The following EZH2 variants were observed in gnomAD, a reference collection of about 807,000 sequenced individuals.
EZH2 encodes the protein enhancer of zeste 2 polycomb repressive complex 2 subunit.
EZH2 carries 18 observed loss-of-function variants against 98.4 expected under a neutral mutation model. The ratio of observed to expected loss-of-function variants is 0.18; its 90% CI spans 0.13 to 0.27. The LOEUF (loss-of-function observed/expected upper bound fraction) is 0.27. Ranked by LOEUF, EZH2 falls within the 10% of genes least tolerant of loss-of-function variation. EZH2 has a pLI of 1.00. For missense variants in EZH2, 470 were observed against 935.1 expected (o/e 0.50, Z 6.49); for synonymous variants, 338 against 312.3 (o/e 1.08, Z -0.87).
chr7:148,833,962 A>G (rs527710397), intron 3 of EZH2, among the ~76,000 whole-genome samples: 3 of 152,168 alleles, frequency 2.0e-5, no homozygotes, highest in African/African-American at 7.2e-5. Flanking sequence ...TTGAAACACC[A>G]TATTTCATAC....
intron 9 of EZH2, 90 bp downstream of exon 9, chr7:148,819,506 G>A: frequency 1.0e-6 from 1 of 994,448 alleles, no homozygotes; most frequent in East Asian, 2.4e-5. Context: ...CAGCATGGGT[G>A]CAGACAACAT....
chr7:148,810,198 C>T lies in EZH2; in HGVS notation c.2029+135G>A. On this transcript the variant is annotated intron_variant, in intron 17 of 19. Transcript: ENST00000320356. The stretch of plus-strand genomic sequence containing the variant: ...CTTGCTCCAGTTCCTTTCAAGCAAG[C>T]AGCCCCCCATGCCTCTAAGGAGATC... 7.3e-6 allele frequency: 4 copies of T among 547,746 alleles called. No individual in the cohort carries two copies. In the South Asian group the frequency reaches 9.0e-5, roughly 12 times the overall value. The allele number at this position is 547,746 out of a possible 1,614,324, so 33.9% of individuals were successfully genotyped here. A position where few individuals can be genotyped will look rare whatever the true frequency, so the allele number is the denominator to read the frequency against.
intron 1 of EZH2, chr7:148,850,459 A>G: frequency 1.0e-6 from 1 of 967,788 alleles, no homozygotes; most frequent in Non-Finnish European, 1.2e-6. Context: ...CATACCTAAT[A>G]AAGTATATCA....
intron 1 of EZH2, among the ~76,000 whole-genome samples, chr7:148,859,396 C>G (rs2129487929): frequency 6.6e-6 from 1 of 152,124 alleles, no homozygotes. Context: ...GTCCCGGCTA[C>G]TAAGGAGGCT....
chr7:148,813,007 A>G (rs1803527687), intron 15 of EZH2, among the ~76,000 whole-genome samples: 1 of 151,816 alleles, frequency 6.6e-6, no homozygotes. Context: ...CTCAATTATA[A>G]ATAAATGGTC....
At chr7:148,861,804 A>T (rs1040253663) in intron 1 of EZH2, among the ~76,000 whole-genome samples, 5 of 15,666 alleles carry the variant, frequency 3.2e-4, no homozygotes, top group South Asian at 1.4e-3. Context: ...TCTTTTATTT[A>T]AAAAAAAAAA....
intron 15 of EZH2, among the ~76,000 whole-genome samples, chr7:148,813,061 A>ACG (rs1563198803): frequency 1.1e-3 from 134 of 121,810 alleles, no homozygotes; most frequent in African/African-American, 4.5e-3. Flanking sequence ...ATACACACAC[A>ACG]CACACACACA....
At chr7:148,807,750 C>A in intron 19 of EZH2, 44 bp from the exon 20 acceptor site, 1 of 1,373,714 alleles carries the variant, frequency 7.3e-7, no homozygotes, top group Admixed American at 2.2e-5. Context: ...GCCACCCATC[C>A]AACATGTGCT....
chr7:148,846,614 G>A lies in EZH2; in HGVS notation c.118-16C>T. The A allele has an allele frequency of 1.3e-6, 2 of 1,598,066 alleles. No homozygotes were observed. Among genetic ancestry groups the A allele is most frequent in the Non-Finnish European group, 1.7e-6 (2 of 1,169,922 alleles). On this transcript the variant is annotated splice_polypyrimidine_tract_variant and intron_variant, in intron 2 of 19. Transcript: ENST00000320356. ...TAAACATACTCTTAAAAAAAAAAAT[G>A]AAGGAGAGGAAAGGAGAAATTGTTC...
chr7:148,883,311 T>C (rs1821275849), intron 1 of EZH2: 1 of 152,144 alleles, frequency 6.6e-6, no homozygotes, highest in African/African-American at 2.4e-5. Context: ...CACAATGAAG[T>C]GGGAATTCAA....
intron 1 of EZH2, among the ~76,000 whole-genome samples, chr7:148,868,155 C>T (rs1204565164): frequency 1.3e-5 from 2 of 152,232 alleles, no homozygotes; most frequent in African/African-American, 2.4e-5. Flanking sequence ...AGTCCAAAAG[C>T]TGCATCCACA....
chr7:148,866,520 GTATATACATA>G (rs1277516087), intron 1 of EZH2, among the ~76,000 whole-genome samples: 3 of 92,116 alleles, frequency 3.3e-5, no homozygotes, highest in Non-Finnish European at 4.6e-5. Flanking sequence ...ATATATATGT[GTATATACATA>G]TATATACGTA....
chr7:148,862,356 G>GTT (rs924784486), intron 1 of EZH2, among the ~76,000 whole-genome samples: 23 of 152,266 alleles, frequency 1.5e-4, no homozygotes, highest in African/African-American at 4.8e-4. Context: ...AAATCATGTT[G>GTT]TTAAACCCAT....
Position 148,807,455 on chromosome 7 carries a change from C to T in EZH2, c.*191G>A. On this transcript the variant is annotated 3_prime_UTR_variant, in exon 20 of 20. Transcript: ENST00000320356. ...GCATTATTGCAAAAATTCACTGGTA[C>T]AAAACACTTTGCAGCTGGTGAGAAG... 1 of 589,228 alleles carries T rather than the reference C, an allele frequency of 1.7e-6. No individual in the cohort carries two copies. Among genetic ancestry groups the T allele is most frequent in the Non-Finnish European group, 3.0e-6 (1 of 329,728 alleles). 36.5% of individuals were successfully genotyped at this position (589,228 alleles called of 1,614,324 possible). A position where few individuals can be genotyped will look rare whatever the true frequency, so the allele number is the denominator to read the frequency against.
chr7:148,863,627 G>T (rs1333572867), intron 1 of EZH2, among the ~76,000 whole-genome samples: 1 of 151,974 alleles, frequency 6.6e-6, no homozygotes, highest in Admixed American at 6.6e-5. Flanking sequence ...TAAAAATCTT[G>T]ACCCAGGGAC....
chr7:148,811,412 A>C (rs1396738519), intron 16 of EZH2, among the ~76,000 whole-genome samples: 1 of 152,148 alleles, frequency 6.6e-6, no homozygotes, highest in Non-Finnish European at 1.5e-5. Context: ...CGGCCTCCCA[A>C]AGTGCTGGGA....
intron 1 of EZH2, among the ~76,000 whole-genome samples, chr7:148,869,328 C>G (rs1818981001): frequency 6.9e-6 from 1 of 145,272 alleles, no homozygotes; most frequent in Admixed American, 7.2e-5. Flanking sequence ...ACCCTATAGG[C>G]AGCAATAGCC....
intron 3 of EZH2, among the ~76,000 whole-genome samples, chr7:148,843,745 G>A (rs1268937506): frequency 1.3e-5 from 2 of 151,558 alleles, no homozygotes; most frequent in African/African-American, 4.9e-5. Flanking sequence ...ACAGGCGCCC[G>A]CTACCACGCC....
intron 1 of EZH2, among the ~76,000 whole-genome samples, chr7:148,866,493 T>A (rs1563062885): frequency 6.8e-6 from 1 of 146,380 alleles, no homozygotes; most frequent in African/African-American, 2.5e-5. Context: ...CTGTGAAAAA[T>A]ATATATACGT....
Sources: gnomAD v4.1 joint callset for allele counts (sites outside exome capture counted in the v4.1 genomes callset) on GRCh38, gnomAD v4.1.1 for gene constraint, MANE v1.5 for transcripts, NCBI Gene and HGNC (gene_info 2026-07-23, HGNC 2026-07-21) for gene names.